PRKN: variants seen among roughly 807,000 people sequenced by gnomAD.
The protein encoded by PRKN is E3 ubiquitin-protein ligase parkin.
Under a neutral mutation model 59.5 loss-of-function variants are expected in PRKN, and 56 were observed. That is an observed-to-expected ratio of 0.94 (90% CI 0.76 to 1.18). PRKN has a LOEUF of 1.18. PRKN is among the 50% of genes most tolerant of loss of function. PRKN has a pLI of 0.00. For missense variants in PRKN, 657 were observed against 596.4 expected (o/e 1.10, Z -1.06); for synonymous variants, 250 against 222.1 (o/e 1.13, Z -1.12).
intron 6 of PRKN, among the ~76,000 whole-genome samples, chr6:161,833,968 TG>T (rs908814811): frequency 9.2e-5 from 14 of 152,160 alleles, no homozygotes; most frequent in African/African-American, 3.1e-4. Context: ...TCAGAATCTA[TG>T]GGAAACCAAT....
At chr6:161,739,221 A>C (rs1315578509) in intron 7 of PRKN, among the ~76,000 whole-genome samples, 4 of 152,126 alleles carry the variant, frequency 2.6e-5, no homozygotes, top group Non-Finnish European at 5.9e-5. Flanking sequence ...CAGTCTGGCC[A>C]ACATGGCAAG....
intron 9 of PRKN, among the ~76,000 whole-genome samples, chr6:161,439,421 T>C (rs958408071): frequency 6.6e-6 from 1 of 152,210 alleles, no homozygotes; most frequent in South Asian, 2.1e-4. Context: ...GTGGGAGATG[T>C]AGAAATGCAA....
At chr6:162,596,122 T>A (rs958105976) in intron 1 of PRKN, among the ~76,000 whole-genome samples, 1 of 152,120 alleles carries the variant, frequency 6.6e-6, no homozygotes, top group African/African-American at 2.4e-5. Flanking sequence ...GCAGGTCAAA[T>A]AACAACATAT....
chr6:162,020,089 G>C (rs1385132305), intron 5 of PRKN, among the ~76,000 whole-genome samples: 1 of 151,930 alleles, frequency 6.6e-6, no homozygotes. Context: ...GCACCTGTAA[G>C]TGCATGTGCA....
At chr6:162,150,530 G>A (rs1389863925) in intron 4 of PRKN, among the ~76,000 whole-genome samples, 1 of 152,130 alleles carries the variant, frequency 6.6e-6, no homozygotes, top group Non-Finnish European at 1.5e-5. Context: ...CTTTGAAAAA[G>A]ACGCACTCCA....
intron 3 of PRKN, among the ~76,000 whole-genome samples, chr6:162,229,236 C>A (rs1016564288): frequency 6.6e-6 from 1 of 152,154 alleles, no homozygotes; most frequent in Non-Finnish European, 1.5e-5. Flanking sequence ...TAGTCTCCCC[C>A]ATCCCAACAA....
chr6:161,350,099 C>T lies in PRKN; in HGVS notation c.1398G>A (p.Ter466=), dbSNP rs1378927170. The change falls in exon 12 of 12, where the codon TAG becomes TAA. Residue 466 remains the stop codon, a stop_retained_variant. Transcript: ENST00000366898. ...GCGATGGGGCGCCCGGCCGCCCTGG[C>T]TACACGTCGAACCAGTGGTCCCCCA... ...VCMGDHWFDV[*] is the part of the protein sequence containing the mutation. 18 of 1,609,130 alleles carry T rather than the reference C, an allele frequency of 1.1e-5. No homozygotes were observed. The highest frequency in any genetic ancestry group is 1.4e-5 in the Non-Finnish European group (16 of 1,175,966).
chr6:161,783,985 C>T (rs1315762534), intron 7 of PRKN, among the ~76,000 whole-genome samples: 5 of 152,108 alleles, frequency 3.3e-5, no homozygotes, highest in Admixed American at 6.6e-5. Flanking sequence ...GACATTAAAA[C>T]TAAATCTTGA....
At chr6:162,722,686 T>C (rs1469985400) in intron 1 of PRKN, among the ~76,000 whole-genome samples, 4 of 152,218 alleles carry the variant, frequency 2.6e-5, no homozygotes, top group African/African-American at 9.6e-5. Context: ...AAGAACTCTT[T>C]TTTTTGCATT....
chr6:161,929,968 C>T (rs994387320), intron 6 of PRKN, among the ~76,000 whole-genome samples: 1 of 152,212 alleles, frequency 6.6e-6, no homozygotes, highest in Non-Finnish European at 1.5e-5. Context: ...TTGCCTTGCA[C>T]AGACTGCATT....
intron 1 of PRKN, among the ~76,000 whole-genome samples, chr6:162,455,634 G>C (rs978025625): frequency 3.9e-5 from 6 of 152,054 alleles, no homozygotes; most frequent in Non-Finnish European, 7.4e-5. Flanking sequence ...GATGGCTATG[G>C]GGGCCCATTT....
chr6:161,684,137 C>T (rs553547423), intron 7 of PRKN, among the ~76,000 whole-genome samples: 14 of 152,154 alleles, frequency 9.2e-5, no homozygotes, highest in African/African-American at 3.4e-4. Flanking sequence ...AGATGTTGGA[C>T]AGTTATTCTT....
intron 9 of PRKN, among the ~76,000 whole-genome samples, chr6:161,521,739 T>C (rs936056084): frequency 1.3e-5 from 2 of 152,134 alleles, no homozygotes; most frequent in Non-Finnish European, 2.9e-5. Context: ...CATTTTCATC[T>C]TTGGATTATC....
chr6:161,979,502 G>A (rs181301040), intron 5 of PRKN, among the ~76,000 whole-genome samples: 2 of 152,220 alleles, frequency 1.3e-5, no homozygotes, highest in African/African-American at 4.8e-5. Context: ...TCGAGTTCCT[G>A]ACCTCAAGTG....
intron 6 of PRKN, among the ~76,000 whole-genome samples, chr6:161,790,775 G>C (rs1388112986): frequency 3.9e-5 from 6 of 152,174 alleles, no homozygotes; most frequent in Admixed American, 3.9e-4. Context: ...TGTTATAGCA[G>C]CCAGAATGTA....
intron 7 of PRKN, among the ~76,000 whole-genome samples, chr6:161,720,000 C>A (rs149884757): frequency 6.6e-6 from 1 of 152,192 alleles, no homozygotes; most frequent in African/African-American, 2.4e-5. Context: ...AGTTTTGCCT[C>A]CCCGTTTGCA....
chr6:161,908,780 CTTTTT>C (rs1226923990), intron 6 of PRKN, among the ~76,000 whole-genome samples: 6 of 151,988 alleles, frequency 3.9e-5, no homozygotes, highest in African/African-American at 1.4e-4. Flanking sequence ...AACTATTTTT[CTTTTT>C]ATTTATCCCT....
chr6:162,018,322 G>A (rs940139042), intron 5 of PRKN, among the ~76,000 whole-genome samples: 8 of 152,074 alleles, frequency 5.3e-5, no homozygotes, highest in South Asian at 2.1e-4. Flanking sequence ...CACCGCGCCC[G>A]GCCCATAATA....
rs145968439 is a variant in PRKN at position 161,755,259 on chromosome 6, T to C, written c.871+30513A>G. 9.6e-4 allele frequency among the ~76,000 whole-genome samples: 146 copies of C among 152,162 alleles called. 2 individuals are homozygous for C. The East Asian group carries it at 0.026, about 27-fold the overall frequency. ...TTTTTATCATCCATACTCTCTGCAA[T>C]GATTCTCACAGACAACGCACTCTCC... On this transcript the variant is annotated intron_variant, in intron 7 of 11. Transcript: ENST00000366898.
Sources: allele counts gnomAD v4.1 joint callset (sites outside exome capture counted in the v4.1 genomes callset), GRCh38; gene constraint gnomAD v4.1.1; transcripts MANE v1.5; gene names NCBI Gene and HGNC (gene_info 2026-07-23, HGNC 2026-07-21).